Variants in LARGE1 observed in about 807,000 individuals in gnomAD.
LARGE1 encodes xylosyl- and glucuronyltransferase LARGE1.
In LARGE1, 43 loss-of-function variants were observed where a neutral mutation model predicts 87.6. That is an observed-to-expected ratio of 0.49 (90% CI 0.38 to 0.63). The LOEUF is 0.63. LARGE1 is among the 30% of genes least tolerant of loss of function. The pLI is 0.00. For synonymous variants in LARGE1, 434 were observed against 394.6 expected (o/e 1.10, Z -1.18); for missense variants, 802 against 1,000.2 (o/e 0.80, Z 2.67).
At chr22:33,610,701 G>T (rs1184686381) in intron 4 of LARGE1, among the ~76,000 whole-genome samples, 1 of 152,138 alleles carries the variant, frequency 6.6e-6, no homozygotes, top group African/African-American at 2.4e-5. Context: ...CTAAAAAGGG[G>T]CCAGGTACGA....
chr22:33,557,857 A>G (rs1308689890), intron 6 of LARGE1, among the ~76,000 whole-genome samples: 1 of 152,172 alleles, frequency 6.6e-6, no homozygotes, highest in Non-Finnish European at 1.5e-5. Context: ...ACGAGCCACT[A>G]AGCCCGGCCC....
At chr22:33,917,218 A>G (rs562839231) in intron 1 of LARGE1, among the ~76,000 whole-genome samples, 1 of 152,212 alleles carries the variant, frequency 6.6e-6, no homozygotes, top group East Asian at 1.9e-4. Context: ...TTCTAAACTA[A>G]GCAGGCTCTT....
intron 1 of LARGE1, among the ~76,000 whole-genome samples, chr22:33,892,214 T>C (rs1417326403): frequency 1.3e-5 from 2 of 152,188 alleles, no homozygotes; most frequent in African/African-American, 4.8e-5. Flanking sequence ...CGATCACTTA[T>C]TTCTAGTCAT....
chr22:33,868,820 T>A lies in LARGE1; in HGVS notation c.-83+51175A>T, dbSNP rs114916610. On this transcript the variant is annotated intron_variant, in intron 1 of 14. Coordinates refer to ENST00000397394, the MANE Select transcript of LARGE1 (RefSeq NM_133642.5). Reference sequence around the variant, plus strand: ...CCATGGCAGGCACAGCACACAGACTTGACAATGACCATGGCTGACCTTGAG... The same window carrying A: ...CCATGGCAGGCACAGCACACAGACTAGACAATGACCATGGCTGACCTTGAG... 6.4e-3 allele frequency among the ~76,000 whole-genome samples: 967 copies of A among 152,224 alleles called. 6 individuals are homozygous for A. The highest frequency in any genetic ancestry group is 0.021 in the African/African-American group (890 of 41,546).
At chr22:33,552,483 T>C (rs1182966117) in intron 6 of LARGE1, among the ~76,000 whole-genome samples, 1 of 151,832 alleles carries the variant, frequency 6.6e-6, no homozygotes, top group South Asian at 2.1e-4. Context: ...AAAATAGCAA[T>C]GGTGCAGATG....
chr22:33,437,711 T>A (rs902421782), intron 6 of LARGE1, among the ~76,000 whole-genome samples: 41 of 152,162 alleles, frequency 2.7e-4, no homozygotes, highest in Non-Finnish European at 3.8e-4. Context: ...TGGTTCAGCT[T>A]AGTATCGATT....
intron 2 of LARGE1, among the ~76,000 whole-genome samples, chr22:33,664,911 T>C (rs1194037543): frequency 6.6e-6 from 1 of 152,134 alleles, no homozygotes; most frequent in Non-Finnish European, 1.5e-5. Flanking sequence ...TCAGACCACA[T>C]GTCTATCCTG....
chr22:33,328,045 A>T (rs984996030), intron 10 of LARGE1, among the ~76,000 whole-genome samples: 20 of 152,332 alleles, frequency 1.3e-4, no homozygotes, highest in Non-Finnish European at 2.6e-4. Context: ...TAGTGGGTAG[A>T]GACATGATCA....
chr22:33,420,238 A>G (rs2066644020), intron 7 of LARGE1, among the ~76,000 whole-genome samples: 1 of 152,196 alleles, frequency 6.6e-6, no homozygotes, highest in South Asian at 2.1e-4. Flanking sequence ...TTAGTGCCTA[A>G]TACAGGCCAG....
Position 33,847,471 on chromosome 22 carries a change from A to G in LARGE1, c.-83+72524T>C, listed in dbSNP as rs1440638729. Among the ~76,000 whole-genome samples the G allele has an allele frequency of 4.6e-5, 7 of 152,390 alleles. No individual in the cohort carries two copies. The East Asian group carries it at 9.6e-4, about 21-fold the overall frequency. ...GGGAGTAACAGTTTTTTAAAAAATCATAATTCCATAAGATATGCTTCACAT... is the reference window on the plus strand; with the variant it reads ...GGGAGTAACAGTTTTTTAAAAAATCGTAATTCCATAAGATATGCTTCACAT... On this transcript the variant is annotated intron_variant, in intron 1 of 14. Transcript: ENST00000397394.
chr22:33,762,696 T>G (rs1035085613), intron 1 of LARGE1, among the ~76,000 whole-genome samples: 3 of 152,116 alleles, frequency 2.0e-5, no homozygotes, highest in African/African-American at 4.8e-5. Context: ...CCGTGATGTG[T>G]CAACGGAAGA....
At chr22:33,271,431 C>T (rs541520116), downstream of LARGE1, among the ~76,000 whole-genome samples, 7 of 152,276 alleles carry the variant, frequency 4.6e-5, no homozygotes, top group African/African-American at 1.7e-4. Flanking sequence ...TCCAAGGGTT[C>T]GGTGAACTCA....
At chr22:33,691,617 A>G (rs1457250441) in intron 2 of LARGE1, among the ~76,000 whole-genome samples, 1 of 152,242 alleles carries the variant, frequency 6.6e-6, no homozygotes, top group Admixed American at 6.5e-5. Flanking sequence ...AGGTTCAGAC[A>G]TAAAAATCTG....
At chr22:33,326,718 A>G (rs550014589) in intron 10 of LARGE1, among the ~76,000 whole-genome samples, 5 of 152,170 alleles carry the variant, frequency 3.3e-5, no homozygotes, top group African/African-American at 1.2e-4. Context: ...AAAGGAGAGG[A>G]AGGGAGGGAG....
intron 1 of LARGE1, among the ~76,000 whole-genome samples, chr22:33,787,361 T>C (rs2085681799): frequency 6.6e-6 from 1 of 152,172 alleles, no homozygotes; most frequent in South Asian, 2.1e-4. Context: ...TTCCCTACGC[T>C]CCTCCTACCA....
intron 5 of LARGE1, among the ~76,000 whole-genome samples, chr22:33,596,671 G>C (rs1424081649): frequency 6.6e-6 from 1 of 152,056 alleles, no homozygotes; most frequent in African/African-American, 2.4e-5. Flanking sequence ...CATTGTTGGA[G>C]GAGAAGAGGA....
intron 2 of LARGE1, among the ~76,000 whole-genome samples, chr22:33,695,060 C>T (rs530206845): frequency 6.6e-6 from 1 of 151,812 alleles, no homozygotes; most frequent in Non-Finnish European, 1.5e-5. Context: ...ACCCTTGTCC[C>T]ATAAAGCAAT....
At chr22:33,409,323 T>C (rs942008793) in intron 7 of LARGE1, among the ~76,000 whole-genome samples, 1 of 152,152 alleles carries the variant, frequency 6.6e-6, no homozygotes, top group South Asian at 2.1e-4. Context: ...TCTTTCTCTA[T>C]GTGATGTCAC....
chr22:33,546,747 C>A (rs1602359359), intron 6 of LARGE1, among the ~76,000 whole-genome samples: 1 of 152,284 alleles, frequency 6.6e-6, no homozygotes, highest in Non-Finnish European at 1.5e-5. Flanking sequence ...CCATATCTGA[C>A]TAATTTTTGT....
Sources: gnomAD v4.1 joint callset for allele counts (sites outside exome capture counted in the v4.1 genomes callset) on GRCh38, gnomAD v4.1.1 for gene constraint, MANE v1.5 for transcripts, NCBI Gene and HGNC (gene_info 2026-07-23, HGNC 2026-07-21) for gene names.